SPOCK1: variants seen among roughly 807,000 people sequenced by gnomAD.
The protein encoded by SPOCK1 is testican-1.
SPOCK1 carries 23 observed loss-of-function variants against 55.3 expected under a neutral mutation model. The observed-to-expected ratio is 0.42, with a 90% confidence interval of 0.30 to 0.59. SPOCK1 has a LOEUF of 0.59. SPOCK1 is among the 20% of genes least tolerant of loss of function. SPOCK1 has a pLI of 0.22. For synonymous variants in SPOCK1, 226 were observed against 221.0 expected, an observed-to-expected ratio of 1.02 and a Z score of -0.20; for missense variants, 499 against 552.5, an observed-to-expected ratio of 0.90 and a Z score of 0.97.
At chr5:137,333,043 G>A (rs1299250183) in intron 2 of SPOCK1, among the ~76,000 whole-genome samples, 1 of 152,186 alleles carries the variant, frequency 6.6e-6, no homozygotes, top group Admixed American at 6.5e-5. Context: ...AGTATCACCT[G>A]GGGTGTTGGT....
At chr5:137,346,395 C>T (rs1281558219) in intron 2 of SPOCK1, among the ~76,000 whole-genome samples, 1 of 152,204 alleles carries the variant, frequency 6.6e-6, no homozygotes, top group Non-Finnish European at 1.5e-5. Context: ...TTTGACTCAA[C>T]TCTGCATTGT....
intron 3 of SPOCK1, among the ~76,000 whole-genome samples, chr5:137,169,594 T>C (rs746379761): frequency 9.2e-5 from 14 of 152,212 alleles, no homozygotes; most frequent in Admixed American, 7.9e-4. Context: ...GAGTTAAGAC[T>C]ACAAGTTAAT....
At chr5:137,344,632 A>G (rs188483545) in intron 2 of SPOCK1, among the ~76,000 whole-genome samples, 13 of 152,226 alleles carry the variant, frequency 8.5e-5, no homozygotes, top group African/African-American at 2.9e-4. Flanking sequence ...GTGCAGGACA[A>G]CTGCCTGCAA....
At chr5:137,044,628 A>G (rs1018856762) in intron 6 of SPOCK1, among the ~76,000 whole-genome samples, 1 of 152,086 alleles carries the variant, frequency 6.6e-6, no homozygotes. Context: ...TGAGACATAA[A>G]TAAATGACTA....
chr5:137,310,246 G>A (rs755217360), intron 2 of SPOCK1, among the ~76,000 whole-genome samples: 8 of 152,076 alleles, frequency 5.3e-5, no homozygotes, highest in Non-Finnish European at 1.2e-4. Flanking sequence ...TCCCAGCATG[G>A]GCAGTCTCTA....
chr5:137,244,020 C>G (rs1756346697), intron 3 of SPOCK1, among the ~76,000 whole-genome samples: 1 of 152,108 alleles, frequency 6.6e-6, no homozygotes, highest in Admixed American at 6.5e-5. Flanking sequence ...TGGTGGCAGT[C>G]TCAGTAAATA....
chr5:137,106,579 C>G (rs1195784962), intron 5 of SPOCK1, among the ~76,000 whole-genome samples: 1 of 152,038 alleles, frequency 6.6e-6, no homozygotes, highest in Non-Finnish European at 1.5e-5. Context: ...CCAGCTGTAG[C>G]TTCCCAAATA....
intron 2 of SPOCK1, among the ~76,000 whole-genome samples, chr5:137,345,262 C>A (rs541886998): frequency 6.6e-6 from 1 of 152,170 alleles, no homozygotes; most frequent in Admixed American, 6.5e-5. Context: ...TGCCTTTAAA[C>A]GACCAGTTTC....
chr5:137,248,909 C>T (rs1279275443), intron 3 of SPOCK1, among the ~76,000 whole-genome samples: 1 of 152,114 alleles, frequency 6.6e-6, no homozygotes, highest in African/African-American at 2.4e-5. Context: ...CCAAGGAGGC[C>T]CAGAAAACAT....
chr5:137,420,284 T>G (rs939429907), intron 2 of SPOCK1, among the ~76,000 whole-genome samples: 13 of 152,234 alleles, frequency 8.5e-5, no homozygotes, highest in African/African-American at 3.1e-4. Flanking sequence ...CTGCCAGGCT[T>G]TGGTATCAGG....
At chr5:137,395,518 C>T (rs751981418) in intron 2 of SPOCK1, among the ~76,000 whole-genome samples, 23 of 152,202 alleles carry the variant, frequency 1.5e-4, no homozygotes, top group Non-Finnish European at 3.2e-4. Flanking sequence ...CCCCACATCT[C>T]ATCCACACCA....
chr5:137,001,308 CCAAA>C (rs1174232724), intron 6 of SPOCK1, among the ~76,000 whole-genome samples: 1 of 152,082 alleles, frequency 6.6e-6, no homozygotes, highest in Non-Finnish European at 1.5e-5. Context: ...TGGTGATCCA[CCAAA>C]TAGAAAAGTA....
At chr5:137,021,177 A>T (rs1169508195) in intron 6 of SPOCK1, among the ~76,000 whole-genome samples, 1 of 152,188 alleles carries the variant, frequency 6.6e-6, no homozygotes, top group African/African-American at 2.4e-5. Context: ...GTTCTTGTTT[A>T]CAATGTTGAA....
intron 2 of SPOCK1, among the ~76,000 whole-genome samples, chr5:137,449,286 C>A (rs1753199135): frequency 6.6e-6 from 1 of 152,244 alleles, no homozygotes; most frequent in South Asian, 2.1e-4. Context: ...GACCATGTGT[C>A]AGGAACATGT....
chr5:137,102,422 A>G (rs1753288328), intron 5 of SPOCK1, among the ~76,000 whole-genome samples: 1 of 152,138 alleles, frequency 6.6e-6, no homozygotes, highest in South Asian at 2.1e-4. Context: ...CAGAATAAAT[A>G]CAAGTAGAAG....
At chr5:137,279,077 C>T (rs1469087798) in intron 2 of SPOCK1, among the ~76,000 whole-genome samples, 1 of 151,948 alleles carries the variant, frequency 6.6e-6, no homozygotes. Context: ...ACCTCAATGC[C>T]CGATGACACA....
intron 3 of SPOCK1, among the ~76,000 whole-genome samples, chr5:137,203,589 A>G (rs561439910): frequency 6.6e-6 from 1 of 152,260 alleles, no homozygotes; most frequent in South Asian, 2.1e-4. Flanking sequence ...TCTTAGGATG[A>G]CATTACCATG....
chr5:137,103,887 G>T (rs2127027101), intron 5 of SPOCK1, among the ~76,000 whole-genome samples: 1 of 152,356 alleles, frequency 6.6e-6, no homozygotes, highest in Non-Finnish European at 1.5e-5. Flanking sequence ...GCTAAGGAAA[G>T]AAGGTTGAAA....
chr5:137,160,951 G>C (rs1754542215), intron 3 of SPOCK1, among the ~76,000 whole-genome samples: 2 of 146,206 alleles, frequency 1.4e-5, no homozygotes, highest in South Asian at 4.2e-4. Flanking sequence ...ATTCATAATA[G>C]CAAAATCTTG....
Sources: gnomAD v4.1 joint callset for allele counts (sites outside exome capture counted in the v4.1 genomes callset) on GRCh38, gnomAD v4.1.1 for gene constraint, MANE v1.5 for transcripts, NCBI Gene and HGNC (gene_info 2026-07-23, HGNC 2026-07-21) for gene names.